The following CTNNA1 variants were observed in gnomAD, a reference collection of about 807,000 sequenced individuals.
CTNNA1 encodes the protein catenin alpha-1.
A neutral mutation model predicts 98.4 loss-of-function variants in CTNNA1; 37 were observed. That is an observed-to-expected ratio of 0.38 (90% CI 0.29 to 0.49). The LOEUF is 0.49. Ranked by LOEUF, CTNNA1 falls within the 20% of genes least tolerant of loss-of-function variation. The probability of loss-of-function intolerance (pLI) is 0.95; values close to 1 mark genes in which losing one functional copy is unlikely to be tolerated. For synonymous variants in CTNNA1, 404 were observed against 413.2 expected (o/e 0.98, Z 0.27); for missense variants, 761 against 1,147.2 (o/e 0.66, Z 4.86).
At chr5:138,806,532 C>T (rs1050986840) in intron 3 of CTNNA1, among the ~76,000 whole-genome samples, 2 of 152,012 alleles carry the variant, frequency 1.3e-5, no homozygotes, top group Admixed American at 1.3e-4. Context: ...CTTCTGGGCT[C>T]TCACTGTAGC....
intron 10 of CTNNA1, among the ~76,000 whole-genome samples, chr5:138,915,093 GC>G (rs1761446354): frequency 6.6e-6 from 1 of 152,142 alleles, no homozygotes; most frequent in Admixed American, 6.5e-5. Flanking sequence ...GTTGCAGTGA[GC>G]TGACATTGCG....
chr5:138,803,429 C>G (rs1315152740), intron 3 of CTNNA1, among the ~76,000 whole-genome samples: 1 of 152,156 alleles, frequency 6.6e-6, no homozygotes, highest in Non-Finnish European at 1.5e-5. Flanking sequence ...GTGCTGAGAT[C>G]ACAGATGTGA....
In CTNNA1 at chr5:138,874,053, G is replaced by T. The variant is rs756187503; in HGVS notation, c.1063-12159G>T. 1.2e-6 allele frequency: 2 copies of T among 1,613,842 alleles called. No individual in the cohort carries two copies. Among genetic ancestry groups the T allele is most frequent in the South Asian group, 1.1e-5 (1 of 91,078 alleles). On this transcript the variant is annotated intron_variant, in intron 7 of 17. Transcript: ENST00000302763. The surrounding 1 kb of genome is among the most constrained non-coding windows in gnomAD (Gnocchi z 4.1). ...CAGAACAGGCGTACTGGGATAGTCC[G>T]CAGGGAGTTGGAACGTAAATGCAAG...
chr5:138,850,129 C>T (rs1426299891), intron 7 of CTNNA1, among the ~76,000 whole-genome samples: 1 of 152,154 alleles, frequency 6.6e-6, no homozygotes, highest in Non-Finnish European at 1.5e-5. Context: ...TCCTCTAAAA[C>T]AATGTTTTCC....
chr5:138,807,029 GAGAC>G (rs1156801256), intron 3 of CTNNA1, among the ~76,000 whole-genome samples: 1 of 52,216 alleles, frequency 1.9e-5, no homozygotes, highest in Non-Finnish European at 3.8e-5. Flanking sequence ...TTTTTTTTTT[GAGAC>G]AGACTCTCGC....
chr5:138,774,628 C>CT (rs1219039290), intron 1 of CTNNA1, among the ~76,000 whole-genome samples: 65 of 146,144 alleles, frequency 4.4e-4, no homozygotes, highest in South Asian at 6.6e-4. Context: ...GTTGTGCCAC[C>CT]TTTTTTTTTT....
intron 5 of CTNNA1, among the ~76,000 whole-genome samples, chr5:138,813,011 T>G (rs1759003318): frequency 6.6e-6 from 1 of 152,264 alleles, no homozygotes; most frequent in African/African-American, 2.4e-5. Flanking sequence ...ATAGTTGTTG[T>G]TAGCTAGTAC....
At chr5:138,910,254 G>A (rs1351202888) in intron 10 of CTNNA1, among the ~76,000 whole-genome samples, 1 of 43,694 alleles carries the variant, frequency 2.3e-5, no homozygotes, top group Non-Finnish European at 4.6e-5. Flanking sequence ...TTTTTTTTTT[G>A]GAAAAATCTG....
intron 7 of CTNNA1, among the ~76,000 whole-genome samples, chr5:138,847,796 G>A (rs1470020400): frequency 3.9e-5 from 6 of 152,140 alleles, no homozygotes; most frequent in African/African-American, 7.2e-5. Flanking sequence ...AAACATTTGG[G>A]CAACTCCCAT....
chr5:138,814,943 G>A lies in CTNNA1; in HGVS notation c.588+2641G>A, dbSNP rs556605131. On this transcript the variant is annotated intron_variant, in intron 5 of 17. Coordinates refer to ENST00000302763, the MANE Select transcript of CTNNA1 (RefSeq NM_001903.5). ...CAATTTTTGTATTTTTAGTAGAGAC[G>A]GGGTTTCACCATCTTGGCCAGGCTA... 2.8e-4 allele frequency among the ~76,000 whole-genome samples: 42 copies of A among 152,110 alleles called. 1 individual carries two copies. Among genetic ancestry groups the A allele is most frequent in the African/African-American group, 8.4e-4 (35 of 41,492 alleles).
intron 1 of CTNNA1, among the ~76,000 whole-genome samples, chr5:138,760,230 G>T (rs536094548): frequency 6.6e-6 from 1 of 151,204 alleles, no homozygotes; most frequent in Non-Finnish European, 1.5e-5. Context: ...CTGACCTCAG[G>T]TGATCCACCC....
At chr5:138,770,777 C>G (rs986347476) in intron 1 of CTNNA1, among the ~76,000 whole-genome samples, 1 of 151,970 alleles carries the variant, frequency 6.6e-6, no homozygotes, top group South Asian at 2.1e-4. Flanking sequence ...ATGGTGAAAC[C>G]CCGTCTCTAC....
In CTNNA1 at chr5:138,886,116, G is replaced by A. The variant is rs150990228; in HGVS notation, c.1063-96G>A. ...AACTTTGAGTTTAAGAAGTTGTACT[G>A]CTTTTTCAGTGTTGACATGAGCACA... On this transcript the variant is annotated intron_variant, in intron 7 of 17. Coordinates refer to ENST00000302763, the MANE Select transcript of CTNNA1 (RefSeq NM_001903.5). 228 of 1,365,356 alleles carry A rather than the reference G, an allele frequency of 1.7e-4. No homozygotes were observed. In the African/African-American group the frequency reaches 2.9e-3, roughly 18 times the overall value. 84.6% of individuals were successfully genotyped at this position (1,365,356 alleles called of 1,614,324 possible). A position where few individuals can be genotyped will look rare whatever the true frequency, so the allele number is the denominator to read the frequency against.
intron 9 of CTNNA1, among the ~76,000 whole-genome samples, chr5:138,890,177 A>G (rs1158914590): frequency 6.6e-6 from 1 of 152,184 alleles, no homozygotes; most frequent in East Asian, 1.9e-4. Flanking sequence ...GGCAGGGTTG[A>G]TGGTGATAAG....
chr5:138,836,981 T>G lies in CTNNA1; in HGVS notation c.1062+9263T>G, dbSNP rs531628417. On this transcript the variant is annotated intron_variant, in intron 7 of 17. Transcript: ENST00000302763. ...GACCGTTAGATTTGCGTGTCTTAGATTTTTAGGTTTTGTTTATAATCATAC... is the reference window on the plus strand; with the variant it reads ...GACCGTTAGATTTGCGTGTCTTAGAGTTTTAGGTTTTGTTTATAATCATAC... Among the ~76,000 whole-genome samples the G allele has an allele frequency of 3.9e-4, 60 of 152,286 alleles. 2 individuals carry two copies. The highest frequency in any genetic ancestry group is 3.4e-3 in the Middle Eastern group (1 of 294).
intron 9 of CTNNA1, among the ~76,000 whole-genome samples, chr5:138,892,949 G>T (rs1173301114): frequency 1.3e-5 from 2 of 152,148 alleles, no homozygotes; most frequent in African/African-American, 4.8e-5. Context: ...CCGGGAGGCG[G>T]AGGTTGCAGT....
At chr5:138,757,772 A>G (rs1044707651) in intron 1 of CTNNA1, among the ~76,000 whole-genome samples, 1 of 152,128 alleles carries the variant, frequency 6.6e-6, no homozygotes, top group African/African-American at 2.4e-5. Flanking sequence ...TGGAGGGCAA[A>G]TTAGATGCTT....
chr5:138,855,357 CA>C (rs1763640387), intron 7 of CTNNA1, among the ~76,000 whole-genome samples: 1 of 152,210 alleles, frequency 6.6e-6, no homozygotes, highest in African/African-American at 2.4e-5. Context: ...TGTTTTAAAC[CA>C]AACAAGCTAA....
At chr5:138,836,521 C>T (rs980955394) in intron 7 of CTNNA1, among the ~76,000 whole-genome samples, 17 of 152,188 alleles carry the variant, frequency 1.1e-4, no homozygotes, top group Non-Finnish European at 2.1e-4. Flanking sequence ...TATGAGCTAT[C>T]CTGGCATTGC....
Sources: allele counts gnomAD v4.1 joint callset (sites outside exome capture counted in the v4.1 genomes callset), GRCh38; gene constraint gnomAD v4.1.1; non-coding constraint Gnocchi (gnomAD v3.1); transcripts MANE v1.5; gene names NCBI Gene and HGNC (gene_info 2026-07-23, HGNC 2026-07-21).